The following PTPRM variants were observed in gnomAD, a reference collection of about 807,000 sequenced individuals.
The protein encoded by PTPRM is receptor-type tyrosine-protein phosphatase mu.
PTPRM carries 47 observed loss-of-function variants against 186.7 expected under a neutral mutation model. The ratio of observed to expected loss-of-function variants is 0.25; its 90% CI spans 0.20 to 0.32. The LOEUF (loss-of-function observed/expected upper bound fraction) is 0.32. PTPRM is among the 10% of genes least tolerant of loss of function. The pLI is 1.00. For synonymous variants in PTPRM, 668 were observed against 674.9 expected, an observed-to-expected ratio of 0.99 and a Z score of 0.16; for missense variants, 1,494 against 1,865.0, an observed-to-expected ratio of 0.80 and a Z score of 3.66.
intron 2 of PTPRM, among the ~76,000 whole-genome samples, chr18:7,777,770 A>G (rs942761791): frequency 2.0e-5 from 3 of 152,234 alleles, no homozygotes; most frequent in African/African-American, 4.8e-5. Context: ...TAAATTTGCT[A>G]TCTCTTGAAA....
At chr18:8,028,353 T>C (rs1486644218) in intron 7 of PTPRM, among the ~76,000 whole-genome samples, 3 of 152,194 alleles carry the variant, frequency 2.0e-5, no homozygotes, top group Non-Finnish European at 4.4e-5. Context: ...CTGATGATCA[T>C]TCTTAGGTAT....
At chr18:7,717,411 T>C (rs1420195246) in intron 1 of PTPRM, among the ~76,000 whole-genome samples, 1 of 152,158 alleles carries the variant, frequency 6.6e-6, no homozygotes, top group Non-Finnish European at 1.5e-5. Context: ...ATTACCTACC[T>C]GCCCCATCCC....
chr18:8,010,850 AG>A (rs1360582512), intron 7 of PTPRM, among the ~76,000 whole-genome samples: 2 of 152,344 alleles, frequency 1.3e-5, no homozygotes, highest in East Asian at 3.9e-4. Context: ...AGAGATACAA[AG>A]ATTATAGACT....
At chr18:8,029,465 C>G (rs569920091) in intron 7 of PTPRM, among the ~76,000 whole-genome samples, 1 of 152,178 alleles carries the variant, frequency 6.6e-6, no homozygotes, top group African/African-American at 2.4e-5. Context: ...AGTGCCCTCT[C>G]CTCATGCTTG....
At chr18:7,855,183 T>C (rs1236980609) in intron 2 of PTPRM, among the ~76,000 whole-genome samples, 1 of 152,220 alleles carries the variant, frequency 6.6e-6, no homozygotes, top group Non-Finnish European at 1.5e-5. Context: ...ACCTACACTC[T>C]TACATTGTTA....
At chr18:7,684,534 T>C (rs965192511) in intron 1 of PTPRM, among the ~76,000 whole-genome samples, 6 of 152,164 alleles carry the variant, frequency 3.9e-5, no homozygotes, top group Non-Finnish European at 1.5e-5. Flanking sequence ...GCAACCGTAA[T>C]TCTATTCTAT....
rs575481189 is a variant in PTPRM, at chr18:8,197,696, G to T, written c.2301-46362G>T. Reference sequence around the variant, plus strand: ...ACTAATATACTCCTCAGTCACATCAGCACTTTCTCTTTCACACCACACACA... The same window carrying T: ...ACTAATATACTCCTCAGTCACATCATCACTTTCTCTTTCACACCACACACA... On this transcript the variant is annotated intron_variant, in intron 14 of 32. Coordinates refer to ENST00000580170, the MANE Select transcript of PTPRM (RefSeq NM_001105244.2). Among the ~76,000 whole-genome samples, 159 of 152,270 alleles carry T rather than the reference G, an allele frequency of 1.0e-3. 1 individual carries two copies. Among genetic ancestry groups the T allele is most frequent in the African/African-American group, 3.3e-3 (138 of 41,562 alleles).
chr18:8,149,902 A>G (rs778754352), intron 14 of PTPRM, among the ~76,000 whole-genome samples: 5 of 152,100 alleles, frequency 3.3e-5, no homozygotes, highest in African/African-American at 7.2e-5. Context: ...CTCCTTCACT[A>G]TGAAGCTTAG....
chr18:8,153,440 CCAA>C (rs2093055519), intron 14 of PTPRM, among the ~76,000 whole-genome samples: 1 of 152,092 alleles, frequency 6.6e-6, no homozygotes, highest in Non-Finnish European at 1.5e-5. Context: ...AGACTAAATG[CCAA>C]CAAGTCATGT....
At chr18:8,133,082 A>C in intron 13 of PTPRM, among the ~76,000 whole-genome samples, 1 of 152,170 alleles carries the variant, frequency 6.6e-6, no homozygotes. Flanking sequence ...CAGAGAGGAG[A>C]AATCAGACCA....
chr18:7,577,870 A>G (rs916204871), intron 1 of PTPRM, among the ~76,000 whole-genome samples: 1 of 151,968 alleles, frequency 6.6e-6, no homozygotes, highest in Non-Finnish European at 1.5e-5. Context: ...TTTCTTTCTA[A>G]TCTTGCTCAG....
At chr18:8,128,355 T>C (rs1023925498) in intron 13 of PTPRM, among the ~76,000 whole-genome samples, 1 of 152,206 alleles carries the variant, frequency 6.6e-6, no homozygotes, top group Non-Finnish European at 1.5e-5. Flanking sequence ...CAGTGCTATG[T>C]GTTTCAGCTA....
intron 23 of PTPRM, 55 bp from the exon 24 acceptor site, chr18:8,370,835 G>A: frequency 2.9e-6 from 3 of 1,050,968 alleles, no homozygotes; most frequent in Non-Finnish European, 4.3e-6. Flanking sequence ...CATCATGGGA[G>A]GAACTCCAAA....
chr18:7,625,997 C>T (rs893503147), intron 1 of PTPRM, among the ~76,000 whole-genome samples: 2 of 152,154 alleles, frequency 1.3e-5, no homozygotes, highest in African/African-American at 4.8e-5. Flanking sequence ...GTTTCAGCCT[C>T]TCAGCTTCAT....
rs77168888 is a variant in PTPRM, at chr18:8,333,062, T to C, written c.2957-10361T>C. 4.1e-3 allele frequency among the ~76,000 whole-genome samples: 617 copies of C among 152,330 alleles called. 3 individuals carry two copies. The highest frequency in any genetic ancestry group is 6.5e-3 in the Non-Finnish European group (440 of 68,028). ...TTAAAGTATTGCCGAGTTTTCCCCA[T>C]CATAGAACAATTCTCAGTGTGTTTG... On this transcript the variant is annotated intron_variant, in intron 22 of 32. Coordinates refer to ENST00000580170, the MANE Select transcript of PTPRM (RefSeq NM_001105244.2).
intron 2 of PTPRM, among the ~76,000 whole-genome samples, chr18:7,818,302 G>C (rs1023802029): frequency 9.9e-5 from 15 of 152,154 alleles, no homozygotes; most frequent in Admixed American, 2.0e-4. Context: ...GCCTCTCCAT[G>C]AGAGCTTTAA....
At chr18:7,578,448 G>T (rs1181372510) in intron 1 of PTPRM, among the ~76,000 whole-genome samples, 2 of 148,818 alleles carry the variant, frequency 1.3e-5, no homozygotes, top group African/African-American at 5.0e-5. Context: ...CCATTCTCCT[G>T]CCTCAGCCTC....
chr18:8,185,781 G>T (rs890642769), intron 14 of PTPRM, among the ~76,000 whole-genome samples: 1 of 152,204 alleles, frequency 6.6e-6, no homozygotes, highest in Non-Finnish European at 1.5e-5. Flanking sequence ...GAGGCCTAGT[G>T]CCTTCACCTG....
At chr18:7,782,620 C>T (rs2145097872) in intron 2 of PTPRM, among the ~76,000 whole-genome samples, 1 of 152,266 alleles carries the variant, frequency 6.6e-6, no homozygotes, top group Admixed American at 6.5e-5. Context: ...CCCTGGCAAC[C>T]ACTGTTCCAC....
Sources: allele counts gnomAD v4.1 joint callset (sites outside exome capture counted in the v4.1 genomes callset), GRCh38; gene constraint gnomAD v4.1.1; transcripts MANE v1.5; gene names NCBI Gene and HGNC (gene_info 2026-07-23, HGNC 2026-07-21).